CERS3: variants seen among roughly 807,000 people sequenced by gnomAD.
The protein encoded by CERS3 is LAG1 homolog, ceramide synthase 3.
Under a neutral mutation model 50.3 loss-of-function variants are expected in CERS3, and 33 were observed. The observed-to-expected ratio is 0.66, with a 90% CI of 0.50 to 0.88. The LOEUF is 0.88. Among genes scored for constraint, CERS3 ranks in the 40% least tolerant of loss-of-function variants. CERS3 has a pLI of 0.00. For synonymous variants in CERS3, 176 were observed against 155.2 expected, an observed-to-expected ratio of 1.13 and a Z score of -0.99; for missense variants, 470 against 460.3, an observed-to-expected ratio of 1.02 and a Z score of -0.19.
intron 4 of CERS3, among the ~76,000 whole-genome samples, chr15:100,489,402 G>A (rs2035584448): frequency 6.6e-6 from 1 of 152,066 alleles, no homozygotes; most frequent in Non-Finnish European, 1.5e-5. Context: ...GCTATCCTTA[G>A]TTTTCCTTTG....
chr15:100,430,219 G>T (rs984551984), intron 11 of CERS3, among the ~76,000 whole-genome samples: 15 of 151,940 alleles, frequency 9.9e-5, no homozygotes, highest in African/African-American at 3.4e-4. Flanking sequence ...GGCTGAGGCA[G>T]GAGAATGGCG....
intron 11 of CERS3, among the ~76,000 whole-genome samples, chr15:100,412,622 G>A (rs1269803439): frequency 6.6e-6 from 1 of 152,110 alleles, no homozygotes. Flanking sequence ...ATTTATAGAA[G>A]AAAAATAGAG....
Position 100,523,789 on chromosome 15 carries a change from G to A in CERS3, c.-91-2033C>T, listed in dbSNP as rs1258713290. Among the ~76,000 whole-genome samples the A allele has an allele frequency of 9.9e-5, 15 of 152,068 alleles. No individual in the cohort carries two copies. The South Asian group carries it at 3.1e-3, about 32-fold the overall frequency. ...CATCTAGAACAATGCTGTTCAGTAG[G>A]AAGAAAACTGGGAGTAACATATGTA... On this transcript the variant is annotated intron_variant, in intron 1 of 11. Transcript: ENST00000679737.
At chr15:100,411,789 A>C (rs1200971726) in intron 11 of CERS3, among the ~76,000 whole-genome samples, 1 of 152,114 alleles carries the variant, frequency 6.6e-6, no homozygotes, top group Non-Finnish European at 1.5e-5. Flanking sequence ...CGGTTTTTTT[A>C]ATAGTAACCC....
intron 5 of CERS3, among the ~76,000 whole-genome samples, chr15:100,483,874 A>G (rs2587768): frequency 0.9 from 128,850 of 142,816 alleles, 58,345 homozygotes; most frequent in East Asian, 0.95. Flanking sequence ...TCCGCCTCCC[A>G]GGTTCACGCC....
intron 11 of CERS3, among the ~76,000 whole-genome samples, chr15:100,448,962 C>G (rs1321444654): frequency 6.6e-6 from 1 of 152,166 alleles, no homozygotes; most frequent in Non-Finnish European, 1.5e-5. Flanking sequence ...GCTCCCTAGC[C>G]AACCACCTGC....
At chr15:100,476,855 G>A (rs1355342979) in intron 7 of CERS3, among the ~76,000 whole-genome samples, 1 of 152,128 alleles carries the variant, frequency 6.6e-6, no homozygotes, top group Non-Finnish European at 1.5e-5. Flanking sequence ...ACTGACTATG[G>A]ACTTGATCCT....
intron 9 of CERS3, among the ~76,000 whole-genome samples, chr15:100,471,479 A>G (rs1301647756): frequency 6.6e-6 from 1 of 152,308 alleles, no homozygotes; most frequent in Non-Finnish European, 1.5e-5. Context: ...TAATAACACA[A>G]TGAGGCTGTT....
rs2142264553 is a variant in CERS3 at position 100,479,418 on chromosome 15, G to A, written c.516+10C>T. ...CAAGTAAGGGGAGGAATATGTTATA[G>A]TGGACTTACCTGTTTGGGATAGCCA... is the stretch of plus-strand genomic sequence containing the variant. On this transcript the variant is annotated intron_variant, in intron 7 of 11. Coordinates refer to ENST00000679737, the MANE Select transcript of CERS3 (RefSeq NM_001378789.1). The A allele has an allele frequency of 1.3e-6, 2 of 1,594,390 alleles. No individual in the cohort carries two copies. The highest frequency in any genetic ancestry group is 1.7e-6 in the Non-Finnish European group (2 of 1,168,174).
chr15:100,439,041 GT>G (rs1170411481), intron 11 of CERS3, among the ~76,000 whole-genome samples: 4 of 152,160 alleles, frequency 2.6e-5, no homozygotes, highest in Admixed American at 2.6e-4. Context: ...GTATGGGCTA[GT>G]AGCTCATCAC....
intron 2 of CERS3, among the ~76,000 whole-genome samples, chr15:100,506,038 T>C (rs1024772978): frequency 6.6e-6 from 1 of 151,898 alleles, no homozygotes; most frequent in Non-Finnish European, 1.5e-5. Flanking sequence ...TGGGGTGTCT[T>C]TGTGAGCCAT....
intron 11 of CERS3, among the ~76,000 whole-genome samples, chr15:100,420,406 C>A (rs1167193169): frequency 2.0e-5 from 3 of 152,142 alleles, no homozygotes; most frequent in Admixed American, 6.5e-5. Flanking sequence ...TCTGAATAGA[C>A]CAATAACAGG....
At chr15:100,508,384 T>C (rs1211076770) in intron 2 of CERS3, among the ~76,000 whole-genome samples, 1 of 152,116 alleles carries the variant, frequency 6.6e-6, no homozygotes, top group Non-Finnish European at 1.5e-5. Context: ...GCTTGGTAGA[T>C]GAAAAAAAAC....
intron 2 of CERS3, among the ~76,000 whole-genome samples, chr15:100,510,342 C>T (rs938122094): frequency 6.6e-6 from 1 of 151,748 alleles, no homozygotes; most frequent in African/African-American, 2.4e-5. Flanking sequence ...TAACTTACTA[C>T]AAGACAAAAA....
intron 2 of CERS3, among the ~76,000 whole-genome samples, chr15:100,508,753 C>A (rs984828347): frequency 9.2e-5 from 14 of 152,112 alleles, no homozygotes; most frequent in Non-Finnish European, 1.5e-4. Flanking sequence ...AGTATCTCTG[C>A]TTGGAATTCT....
chr15:100,413,562 T>C lies in CERS3; in HGVS notation c.1000-10697A>G, dbSNP rs535844078. 1.9e-3 allele frequency among the ~76,000 whole-genome samples: 274 copies of C among 140,718 alleles called. 2 individuals are homozygous for C. The highest frequency in any genetic ancestry group is 6.2e-3 in the African/African-American group (224 of 36,142). The allele number at this position is 140,718 out of a possible 152,430, so 92.3% of individuals were successfully genotyped here. A position where few individuals can be genotyped will look rare whatever the true frequency, so the allele number is the denominator to read the frequency against. On this transcript the variant is annotated intron_variant, in intron 11 of 11. Coordinates refer to ENST00000679737, the MANE Select transcript of CERS3 (RefSeq NM_001378789.1). ...CTATACTATACTATACTATACTATA[T>C]GCTCAATCTTAGTAATCAGTAAAAT...
chr15:100,441,089 G>A (rs966827837), intron 11 of CERS3, among the ~76,000 whole-genome samples: 3 of 152,136 alleles, frequency 2.0e-5, no homozygotes, highest in Non-Finnish European at 4.4e-5. Flanking sequence ...TGGGGGAGGG[G>A]CAGGAACCCC....
At chr15:100,457,461 A>G (rs2034413050) in intron 10 of CERS3, among the ~76,000 whole-genome samples, 2 of 152,232 alleles carry the variant, frequency 1.3e-5, no homozygotes, top group Admixed American at 1.3e-4. Context: ...TCTTTCACAC[A>G]GCATAATGCT....
At position 100,472,910 on chromosome 15, in the gene CERS3, T is replaced by C; in HGVS notation, c.738+14A>G. ...CATGGTATTGTCATTAGTTTTTTAA[T>C]GGCAAACGTTTACCTCCAGCCAAAT... On this transcript the variant is annotated intron_variant, in intron 9 of 11. Transcript: ENST00000679737. The C allele has an allele frequency of 6.2e-7, 1 of 1,613,772 alleles. No homozygotes were observed. The highest frequency in any genetic ancestry group is 8.5e-7 in the Non-Finnish European group (1 of 1,179,758).
Sources: gnomAD v4.1 joint callset for allele counts (sites outside exome capture counted in the v4.1 genomes callset) on GRCh38, gnomAD v4.1.1 for gene constraint, MANE v1.5 for transcripts, NCBI Gene and HGNC (gene_info 2026-07-23, HGNC 2026-07-21) for gene names.